RGS6: variants seen among roughly 807,000 people sequenced by gnomAD.
RGS6 encodes the protein regulator of G-protein signaling 6.
Under a neutral mutation model 78.5 loss-of-function variants are expected in RGS6, and 30 were observed. The observed-to-expected ratio is 0.38, with a 90% CI of 0.29 to 0.52. RGS6 has a LOEUF of 0.52. Ranked by LOEUF, RGS6 falls within the 20% of genes least tolerant of loss-of-function variation. The probability of loss-of-function intolerance (pLI) is 0.85; values close to 1 mark genes in which losing one functional copy is unlikely to be tolerated. For synonymous variants in RGS6, 206 were observed against 206.0 expected (o/e 1.00, Z 0.00); for missense variants, 495 against 609.7 (o/e 0.81, Z 1.98).
intron 2 of RGS6, among the ~76,000 whole-genome samples, chr14:72,254,328 G>T (rs1193892354): frequency 6.6e-6 from 1 of 152,184 alleles, no homozygotes; most frequent in Non-Finnish European, 1.5e-5. Context: ...GACAGTGCAG[G>T]TTCATTGAAG....
At chr14:72,072,242 T>G (rs959874179) in intron 2 of RGS6, among the ~76,000 whole-genome samples, 2 of 152,102 alleles carry the variant, frequency 1.3e-5, no homozygotes, top group Non-Finnish European at 2.9e-5. Context: ...TTCTCTAATC[T>G]AAAACCCTCA....
chr14:72,248,168 C>T (rs2054704428), intron 2 of RGS6, among the ~76,000 whole-genome samples: 1 of 152,204 alleles, frequency 6.6e-6, no homozygotes, highest in African/African-American at 2.4e-5. Flanking sequence ...ATTTTTATAA[C>T]ATGACCCAGA....
At chr14:72,593,752 C>T in the RGS6 span, among the ~76,000 whole-genome samples, 5 of 152,246 alleles carry the variant, frequency 3.3e-5, no homozygotes, top group South Asian at 1.0e-3. Flanking sequence ...GACAGAAATC[C>T]AATCTAGTGT....
chr14:71,953,381 A>G (rs1468915151), intron 1 of RGS6, among the ~76,000 whole-genome samples: 1 of 152,192 alleles, frequency 6.6e-6, no homozygotes, highest in African/African-American at 2.4e-5. Context: ...GTGATCATAG[A>G]CAATAAGTAA....
intron 5 of RGS6, among the ~76,000 whole-genome samples, chr14:72,458,871 T>A (rs565253098): frequency 6.6e-6 from 1 of 152,268 alleles, no homozygotes; most frequent in South Asian, 2.1e-4. Context: ...CACCTCCCAA[T>A]ACCATCACCT....
intron 3 of RGS6, among the ~76,000 whole-genome samples, chr14:72,386,248 A>G (rs1329583375): frequency 2.0e-5 from 3 of 152,012 alleles, no homozygotes; most frequent in Non-Finnish European, 2.9e-5. Context: ...ACTAAATACT[A>G]TTTGGGGGGC....
intron 3 of RGS6, among the ~76,000 whole-genome samples, chr14:72,413,062 G>A (rs200964948): frequency 0.088 from 13,357 of 151,924 alleles, 399 homozygotes; most frequent in East Asian, 0.28. Flanking sequence ...GGGGTGGAGA[G>A]TTCTGTAGAT....
At chr14:71,930,763 A>G (rs2087803990), upstream of RGS6, among the ~76,000 whole-genome samples, 1 of 151,846 alleles carries the variant, frequency 6.6e-6, no homozygotes, top group Non-Finnish European at 1.5e-5. Flanking sequence ...CGGGTGGATC[A>G]TCTGAGGTCA....
intron 2 of RGS6, among the ~76,000 whole-genome samples, chr14:72,093,049 TG>T (rs1322059708): frequency 9.2e-5 from 14 of 151,944 alleles, no homozygotes; most frequent in Non-Finnish European, 1.8e-4. Flanking sequence ...TGTGTGTGTG[TG>T]TGTGTGTGTG....
the RGS6 span, among the ~76,000 whole-genome samples, chr14:72,628,159 A>G: frequency 6.6e-6 from 1 of 152,142 alleles, no homozygotes; most frequent in Non-Finnish European, 1.5e-5. Flanking sequence ...AATCATAGTT[A>G]TAGAGATAGT....
At chr14:72,469,193 C>T (rs2096007989) in intron 7 of RGS6, among the ~76,000 whole-genome samples, 1 of 148,192 alleles carries the variant, frequency 6.7e-6, no homozygotes. Flanking sequence ...AACGTAGACA[C>T]TCCGTTTGGG....
intron 3 of RGS6, among the ~76,000 whole-genome samples, chr14:72,414,126 A>T (rs1289516703): frequency 6.6e-6 from 1 of 152,092 alleles, no homozygotes; most frequent in African/African-American, 2.4e-5. Context: ...GCCTTGCTAG[A>T]TTGGGGAAGT....
Position 72,474,594 on chromosome 14 carries a change from T to C in RGS6, c.619-31T>C, listed in dbSNP as rs139942844. 1.4e-3 allele frequency: 2,244 copies of C among 1,585,276 alleles called. 4 individuals carry two copies. Among genetic ancestry groups the C allele is most frequent in the Middle Eastern group, 0.011 (63 of 5,944 alleles). On this transcript the variant is annotated intron_variant, in intron 9 of 17. Transcript: ENST00000553525. ...AATTGGAAGTGTAATTTTCACGTAG[T>C]AATTTATATGATGTGTTTTTTTTTT... is the stretch of plus-strand genomic sequence containing the variant.
At chr14:72,531,492 G>A (rs2097182542) in intron 15 of RGS6, among the ~76,000 whole-genome samples, 1 of 150,344 alleles carries the variant, frequency 6.7e-6, no homozygotes, top group Non-Finnish European at 1.5e-5. Context: ...AGTCCTTCCA[G>A]TGGGTTTATT....
At chr14:72,478,123 T>C in intron 11 of RGS6, 145 bp from the exon 12 acceptor site, 1 of 634,014 alleles carries the variant, frequency 1.6e-6, no homozygotes, top group South Asian at 2.0e-5. Flanking sequence ...AGTAATTTGC[T>C]GGAGGGCAGA....
chr14:72,042,135 T>C (rs549529573), intron 2 of RGS6, among the ~76,000 whole-genome samples: 47 of 149,976 alleles, frequency 3.1e-4, no homozygotes, highest in African/African-American at 9.5e-4. Flanking sequence ...TTTTCTTTTT[T>C]TTTTTTTTTT....
At chr14:72,493,851 G>A (rs1192152798) in intron 12 of RGS6, among the ~76,000 whole-genome samples, 1 of 151,962 alleles carries the variant, frequency 6.6e-6, no homozygotes, top group Non-Finnish European at 1.5e-5. Flanking sequence ...AGCACTATCA[G>A]TCAAGTATGG....
chr14:72,099,460 A>G (rs2095482733), intron 2 of RGS6, among the ~76,000 whole-genome samples: 1 of 152,100 alleles, frequency 6.6e-6, no homozygotes, highest in Admixed American at 6.5e-5. Context: ...CACCCTGCCT[A>G]GAAGCAGCTT....
intron 2 of RGS6, among the ~76,000 whole-genome samples, chr14:72,281,898 T>A (rs1043910251): frequency 7.2e-5 from 11 of 152,128 alleles, no homozygotes; most frequent in African/African-American, 2.7e-4. Flanking sequence ...TGAATTTTGT[T>A]AATATATAAG....
Sources: allele counts gnomAD v4.1 joint callset (sites outside exome capture counted in the v4.1 genomes callset), GRCh38; gene constraint gnomAD v4.1.1; transcripts MANE v1.5; gene names NCBI Gene and HGNC (gene_info 2026-07-23, HGNC 2026-07-21).